Variants in HHIPL1 observed in about 807,000 individuals in gnomAD.
HHIPL1 encodes the protein HHIP like 1, also known as HHIP-like protein 1.
Under a neutral mutation model 61.8 loss-of-function variants are expected in HHIPL1, and 43 were observed. That is an observed-to-expected ratio of 0.70 (90% CI 0.55 to 0.90). The LOEUF (loss-of-function observed/expected upper bound fraction) is 0.90. Ranked by LOEUF, HHIPL1 falls within the 40% of genes least tolerant of loss-of-function variation. HHIPL1 has a pLI of 0.00. For synonymous variants in HHIPL1, 482 were observed against 515.8 expected (o/e 0.93, Z 0.89); for missense variants, 1,056 against 1,157.7 (o/e 0.91, Z 1.28).
chr14:99,637,093 AAGG>A, the HHIPL1 span, among the ~76,000 whole-genome samples: 88 of 131,926 alleles, frequency 6.7e-4, 5 homozygotes, highest in East Asian at 3.4e-3. Context: ...AGAAAGAAAG[AAGG>A]AAGGAAAAAA....
At chr14:99,666,580 G>A (rs546576228) in intron 6 of HHIPL1, among the ~76,000 whole-genome samples, 6 of 152,326 alleles carry the variant, frequency 3.9e-5, no homozygotes, top group African/African-American at 1.2e-4. Flanking sequence ...CCTTAAGGTC[G>A]GTTGGCCAGA....
In HHIPL1 at chr14:99,675,710, A is replaced by G; in HGVS notation, c.*84A>G. 7.4e-7 allele frequency: 1 copy of G among 1,352,114 alleles called. No homozygotes were observed. The highest frequency in any genetic ancestry group is 9.8e-7 in the Non-Finnish European group (1 of 1,022,568). 83.8% of individuals were successfully genotyped at this position (1,352,114 alleles called of 1,614,324 possible). A position where few individuals can be genotyped will look rare whatever the true frequency, so the allele number is the denominator to read the frequency against. The stretch of plus-strand genomic sequence containing the variant: ...CGCCCTGTGTGCGCCCAGCGGGTGC[A>G]CACGTGTTCTAGAGTGAAGGGGGTG... On this transcript the variant is annotated 3_prime_UTR_variant, in exon 9 of 9. Coordinates refer to ENST00000330710, the MANE Select transcript of HHIPL1 (RefSeq NM_001127258.3). The surrounding 1 kb of genome is among the most constrained non-coding windows in gnomAD (Gnocchi z 5.4).
chr14:99,666,914 G>C (rs1219827538), intron 6 of HHIPL1, among the ~76,000 whole-genome samples: 1 of 151,814 alleles, frequency 6.6e-6, no homozygotes, highest in African/African-American at 2.4e-5. Flanking sequence ...GGTCTACCCC[G>C]GTTACACAAG....
the HHIPL1 span, among the ~76,000 whole-genome samples, chr14:99,605,275 G>A: frequency 2.0e-5 from 3 of 152,130 alleles, no homozygotes; most frequent in Admixed American, 1.3e-4. Context: ...CCCCACCGGC[G>A]GCCTCGCGGG....
chr14:99,646,857 A>G (rs912228503), intron 1 of HHIPL1, among the ~76,000 whole-genome samples: 80 of 139,754 alleles, frequency 5.7e-4, no homozygotes, highest in African/African-American at 1.9e-3. Flanking sequence ...AATATAATAT[A>G]ATATGATATA....
chr14:99,662,643 T>C (rs1214182791), intron 5 of HHIPL1, among the ~76,000 whole-genome samples: 1 of 152,178 alleles, frequency 6.6e-6, no homozygotes, highest in Non-Finnish European at 1.5e-5. Flanking sequence ...GAATTCTTAA[T>C]ATGTTTTGGA....
chr14:99,637,035 G>A, the HHIPL1 span, among the ~76,000 whole-genome samples: 2 of 100,962 alleles, frequency 2.0e-5, no homozygotes, highest in East Asian at 2.8e-4. Flanking sequence ...AAGAAAGAAA[G>A]AAAGAAAGAA....
At chr14:99,614,832 AT>A in the HHIPL1 span, among the ~76,000 whole-genome samples, 11 of 152,148 alleles carry the variant, frequency 7.2e-5, no homozygotes, top group Non-Finnish European at 1.6e-4. Flanking sequence ...TAATGCCCTG[AT>A]TTTTTTGTCC....
In HHIPL1 at chr14:99,659,557, C is replaced by A. The variant is rs750146233; in HGVS notation, c.1176C>A (p.Gly392=). 5.2e-6 allele frequency: 8 copies of A among 1,549,742 alleles called. No homozygotes were observed. The Admixed American group carries it at 1.3e-4, about 26-fold the overall frequency. ...PAAQPEVYAL[G]VRNMWRCSFD... Reference sequence around the variant, plus strand: ...CGCAGCCCGAGGTCTACGCCCTGGGCGTGCGCAACATGTGGCGCTGCTCCT... The same window carrying A: ...CGCAGCCCGAGGTCTACGCCCTGGGAGTGCGCAACATGTGGCGCTGCTCCT... Residue 392 remains glycine, a synonymous_variant, in exon 4 of 9, where the codon GGC becomes GGA. Transcript: ENST00000330710.
At chr14:99,664,410 G>A (rs1026814150) in intron 6 of HHIPL1, among the ~76,000 whole-genome samples, 2 of 152,158 alleles carry the variant, frequency 1.3e-5, no homozygotes, top group African/African-American at 4.8e-5. Flanking sequence ...TAGAAGCAGG[G>A]GTGCCCCTCC....
At chr14:99,627,523 G>A in the HHIPL1 span, among the ~76,000 whole-genome samples, 1 of 152,242 alleles carries the variant, frequency 6.6e-6, no homozygotes. The surrounding 1 kb of genome is among the most constrained non-coding windows in gnomAD (Gnocchi z 4.4). Context: ...AGGTGCCAGG[G>A]TGCCAGGGAT....
At chr14:99,658,725 T>C (rs1240550369) in intron 3 of HHIPL1, among the ~76,000 whole-genome samples, 3 of 152,162 alleles carry the variant, frequency 2.0e-5, no homozygotes, top group Non-Finnish European at 2.9e-5. Flanking sequence ...CTTAGCTGCT[T>C]GGAGCTTAGG....
At position 99,660,284 on chromosome 14, in the gene HHIPL1, C is replaced by T; in HGVS notation, c.1380C>T (p.Asp460=). 6.2e-7 allele frequency: 1 copy of T among 1,614,068 alleles called. No individual in the cohort carries two copies. The highest frequency in any genetic ancestry group is 2.2e-5 in the East Asian group (1 of 44,846). ...RSLCANTSLN[D]LLPIFAYPHT... ...TCTCTCCCTCCCACCCCGCAGATGACTTGCTGCCGATTTTCGCCTACCCGC... is the reference window on the plus strand; with the variant it reads ...TCTCTCCCTCCCACCCCGCAGATGATTTGCTGCCGATTTTCGCCTACCCGC... Residue 460 remains aspartate, a synonymous_variant, in exon 5 of 9, where the codon GAC becomes GAT. Transcript: ENST00000330710. This position sits in a 1 kb window ranked among gnomAD's most constrained non-coding sequence, Gnocchi z 4.9.
At chr14:99,662,544 G>A (rs2056168621) in intron 5 of HHIPL1, among the ~76,000 whole-genome samples, 1 of 152,194 alleles carries the variant, frequency 6.6e-6, no homozygotes, top group South Asian at 2.1e-4. Flanking sequence ...CACAGTGACA[G>A]CTTCATGGAC....
In HHIPL1 at chr14:99,656,779, AAGAAAAG is replaced by A. The variant is rs1354541710; in HGVS notation, c.903-219_903-213del. Among the ~76,000 whole-genome samples, 9 of 1,870 alleles carry A rather than the reference AAGAAAAG, an allele frequency of 4.8e-3. 2 individuals are homozygous for A. Among genetic ancestry groups the A allele is most frequent in the South Asian group, 0.25 (2 of 8 alleles). 1.2% of individuals were successfully genotyped at this position (1,870 alleles called of 152,430 possible). Reference sequence around the variant, plus strand: ...GACAGAGCAACACTCTGTCTGCAAAAAGAAAAGAAAAGAAAGAAAGAAAGAAAGAAAG... The same window carrying A: ...GACAGAGCAACACTCTGTCTGCAAAAAAAAGAAAGAAAGAAAGAAAGAAAG... On this transcript the variant is annotated intron_variant, in intron 2 of 8. Coordinates refer to ENST00000330710, the MANE Select transcript of HHIPL1 (RefSeq NM_001127258.3).
At chr14:99,604,772 C>T in the HHIPL1 span, among the ~76,000 whole-genome samples, 2 of 152,184 alleles carry the variant, frequency 1.3e-5, no homozygotes, top group Admixed American at 6.5e-5. Flanking sequence ...GGCGACGGCG[C>T]CCCTTCTCCC....
the HHIPL1 span, among the ~76,000 whole-genome samples, chr14:99,606,927 G>T: frequency 5.3e-5 from 8 of 151,560 alleles, no homozygotes; most frequent in African/African-American, 1.9e-4. Context: ...CTCCCGGAGG[G>T]CCCATATCGC....
the HHIPL1 span, among the ~76,000 whole-genome samples, chr14:99,612,179 TGA>T: frequency 6.6e-6 from 1 of 152,176 alleles, no homozygotes; most frequent in Admixed American, 6.5e-5. Flanking sequence ...GGAGAGAGAA[TGA>T]GAGCCGAGCG....
intron 1 of HHIPL1, among the ~76,000 whole-genome samples, chr14:99,651,603 C>G (rs2055931489): frequency 6.6e-6 from 1 of 152,040 alleles, no homozygotes; most frequent in Non-Finnish European, 1.5e-5. Flanking sequence ...GGCTCCTCCT[C>G]CAACACTGGG....
Sources: allele counts gnomAD v4.1 joint callset (sites outside exome capture counted in the v4.1 genomes callset), GRCh38; gene constraint gnomAD v4.1.1; non-coding constraint Gnocchi (gnomAD v3.1); transcripts MANE v1.5; gene names NCBI Gene and HGNC (gene_info 2026-07-23, HGNC 2026-07-21).